Variants in MYRIP observed in about 807,000 individuals in gnomAD.
The protein encoded by MYRIP is myosin VIIA and Rab interacting protein.
MYRIP carries 49 observed loss-of-function variants against 98.0 expected under a neutral mutation model. The observed-to-expected ratio is 0.50, with a 90% CI of 0.40 to 0.63. The LOEUF is 0.63. MYRIP is among the 30% of genes least tolerant of loss of function. The pLI, the probability that MYRIP is intolerant of heterozygous loss-of-function variation, is 0.00. For missense variants in MYRIP, 1,004 were observed against 1,058.2 expected, an observed-to-expected ratio of 0.95 and a Z score of 0.71; for synonymous variants, 404 against 409.5, an observed-to-expected ratio of 0.99 and a Z score of 0.16.
At chr3:40,035,054 T>C (rs1458554642) in intron 2 of MYRIP, among the ~76,000 whole-genome samples, 2 of 117,400 alleles carry the variant, frequency 1.7e-5, no homozygotes, top group African/African-American at 3.4e-5. Flanking sequence ...AGGGGAACAT[T>C]ACACTCTGGG....
chr3:39,977,660 G>A (rs532498890), intron 2 of MYRIP, among the ~76,000 whole-genome samples: 1 of 152,120 alleles, frequency 6.6e-6, no homozygotes, highest in East Asian at 1.9e-4. Context: ...AACTTGAGAG[G>A]GTAGAACAAA....
At chr3:40,062,263 G>T (rs1948034510) in intron 3 of MYRIP, among the ~76,000 whole-genome samples, 1 of 152,098 alleles carries the variant, frequency 6.6e-6, no homozygotes, top group African/African-American at 2.4e-5. Flanking sequence ...ATCTTGAGCT[G>T]ATTTTCATAT....
At chr3:39,991,274 C>T (rs1348503966) in intron 2 of MYRIP, among the ~76,000 whole-genome samples, 1 of 152,184 alleles carries the variant, frequency 6.6e-6, no homozygotes, top group Non-Finnish European at 1.5e-5. Flanking sequence ...AGCATCTGTT[C>T]CTATTCCCTT....
intron 2 of MYRIP, among the ~76,000 whole-genome samples, chr3:40,023,448 T>G (rs1947046702): frequency 6.6e-6 from 1 of 152,068 alleles, no homozygotes; most frequent in Admixed American, 6.6e-5. Context: ...GACTTAGGGT[T>G]GGAAGAGGAG....
intron 2 of MYRIP, among the ~76,000 whole-genome samples, chr3:39,961,493 G>A (rs767707250): frequency 2.0e-5 from 3 of 152,056 alleles, no homozygotes; most frequent in African/African-American, 4.8e-5. Context: ...CACGATTTGC[G>A]AGTCCCATTT....
chr3:39,994,436 C>T lies in MYRIP; in HGVS notation c.111-49614C>T, dbSNP rs556379342. 2.0e-5 allele frequency among the ~76,000 whole-genome samples: 3 copies of T among 152,350 alleles called. No individual in the cohort carries two copies. The East Asian group carries it at 5.8e-4, about 29-fold the overall frequency. On this transcript the variant is annotated intron_variant, in intron 2 of 16. Transcript: ENST00000302541. ...GGTCCTATGCCCACGGAGCCTCGCTCATTGCTAGCACAGCAGTCTGAGATC... is the reference window on the plus strand; with the variant it reads ...GGTCCTATGCCCACGGAGCCTCGCTTATTGCTAGCACAGCAGTCTGAGATC...
intron 9 of MYRIP, 91 bp downstream of exon 9, chr3:40,182,464 CT>C: frequency 2.8e-6 from 4 of 1,435,740 alleles, no homozygotes; most frequent in Non-Finnish European, 3.8e-6. Context: ...CTCTGCTCTT[CT>C]TCCCATAAGT....
chr3:39,885,372 A>G (rs1943266331), intron 1 of MYRIP, among the ~76,000 whole-genome samples: 1 of 152,064 alleles, frequency 6.6e-6, no homozygotes, highest in African/African-American at 2.4e-5. Context: ...ATCCGCTGTT[A>G]GTCTGATGGG....
At chr3:40,085,207 A>G (rs1022179743) in intron 3 of MYRIP, among the ~76,000 whole-genome samples, 49 of 151,356 alleles carry the variant, frequency 3.2e-4, no homozygotes, top group African/African-American at 1.2e-3. Context: ...TCCACAGATA[A>G]TATGTGTCTA....
intron 11 of MYRIP, among the ~76,000 whole-genome samples, chr3:40,222,748 G>T (rs951514714): frequency 6.6e-6 from 1 of 152,186 alleles, no homozygotes; most frequent in African/African-American, 2.4e-5. Context: ...GATGAGGTCA[G>T]ATCATGAACA....
intron 1 of MYRIP, among the ~76,000 whole-genome samples, chr3:39,835,669 G>A (rs1052987304): frequency 1.2e-4 from 19 of 152,258 alleles, no homozygotes; most frequent in African/African-American, 4.3e-4. Flanking sequence ...AGGTATACAT[G>A]TGCCATGGTG....
At chr3:39,976,093 A>G (rs1224783277) in intron 2 of MYRIP, among the ~76,000 whole-genome samples, 1 of 152,204 alleles carries the variant, frequency 6.6e-6, no homozygotes, top group African/African-American at 2.4e-5. Flanking sequence ...AAAAGAAACT[A>G]CCATCAGAGT....
At chr3:39,833,724 A>G (rs1013422575) in intron 1 of MYRIP, among the ~76,000 whole-genome samples, 6 of 152,202 alleles carry the variant, frequency 3.9e-5, no homozygotes, top group Non-Finnish European at 8.8e-5. Flanking sequence ...TTACCTTCAG[A>G]ATTTGAAAAA....
chr3:39,964,516 T>C (rs1168784266), intron 2 of MYRIP, among the ~76,000 whole-genome samples: 1 of 152,158 alleles, frequency 6.6e-6, no homozygotes, highest in Admixed American at 6.6e-5. Context: ...TTAACACCTA[T>C]CCAAGGTCTT....
chr3:40,005,425 T>C (rs1223539315), intron 2 of MYRIP, among the ~76,000 whole-genome samples: 1 of 152,270 alleles, frequency 6.6e-6, no homozygotes, highest in Non-Finnish European at 1.5e-5. Flanking sequence ...TTTCTACAAT[T>C]AATTAGGTCC....
intron 1 of MYRIP, among the ~76,000 whole-genome samples, chr3:39,829,315 G>A (rs1941365079): frequency 6.6e-6 from 1 of 152,132 alleles, no homozygotes; most frequent in South Asian, 2.1e-4. Context: ...TGTGTCCTTA[G>A]GTTGATGCCT....
intron 3 of MYRIP, among the ~76,000 whole-genome samples, chr3:40,097,624 C>T (rs1018004900): frequency 3.9e-5 from 6 of 152,190 alleles, no homozygotes; most frequent in Non-Finnish European, 8.8e-5. Flanking sequence ...TCCACCTACA[C>T]GCACGAGATC....
chr3:40,106,259 G>T (rs1340027752), intron 3 of MYRIP, among the ~76,000 whole-genome samples: 1 of 151,740 alleles, frequency 6.6e-6, no homozygotes, highest in Non-Finnish European at 1.5e-5. Flanking sequence ...CATGTGAAAA[G>T]AACACAAAAT....
chr3:39,858,087 G>A (rs1942359249), intron 1 of MYRIP, among the ~76,000 whole-genome samples: 1 of 152,106 alleles, frequency 6.6e-6, no homozygotes, highest in South Asian at 2.1e-4. Context: ...CCAATCAAAA[G>A]ACATAGAGTG....
Sources: gnomAD v4.1 joint callset for allele counts (sites outside exome capture counted in the v4.1 genomes callset) on GRCh38, gnomAD v4.1.1 for gene constraint, MANE v1.5 for transcripts, NCBI Gene and HGNC (gene_info 2026-07-23, HGNC 2026-07-21) for gene names.